The following SND1 variants were observed in gnomAD, a reference collection of about 807,000 sequenced individuals.
SND1 encodes staphylococcal nuclease and tudor domain containing 1.
A neutral mutation model predicts 121.7 loss-of-function variants in SND1; 38 were observed. The ratio of observed to expected loss-of-function variants is 0.31; its 90% CI spans 0.24 to 0.41. SND1 has a LOEUF of 0.41. Among genes scored for constraint, SND1 ranks in the 10% least tolerant of loss-of-function variants. The pLI is 1.00. For missense variants in SND1, 868 were observed against 1,184.6 expected (o/e 0.73, Z 3.92); for synonymous variants, 401 against 447.4 (o/e 0.90, Z 1.31).
Position 127,686,994 on chromosome 7 carries a change from C to G in SND1, c.228+232C>G, listed in dbSNP as rs1369444366. The G allele has an allele frequency of 6.8e-6, 3 of 439,638 alleles. No individual in the cohort carries two copies. In the East Asian group the frequency reaches 1.2e-4, roughly 17 times the overall value. 27.2% of individuals were successfully genotyped at this position (439,638 alleles called of 1,614,324 possible). A position where few individuals can be genotyped will look rare whatever the true frequency, so the allele number is the denominator to read the frequency against. The stretch of plus-strand genomic sequence containing the variant: ...TTTTTCTTGTACCTTTTCCCATAGA[C>G]TTAGATTTGTTGTGTTTTCACTACT... On this transcript the variant is annotated intron_variant, in intron 2 of 23. Transcript: ENST00000354725.
chr7:127,960,176 A>G (rs1201880336), intron 15 of SND1, among the ~76,000 whole-genome samples: 1 of 152,224 alleles, frequency 6.6e-6, no homozygotes, highest in East Asian at 1.9e-4. Flanking sequence ...CAATATTATC[A>G]TTGCTGTCAC....
chr7:127,791,464 T>TA (rs138989166), intron 10 of SND1, among the ~76,000 whole-genome samples: 2,601 of 152,318 alleles, frequency 0.017, 93 homozygotes, highest in African/African-American at 0.059. Flanking sequence ...TACTTTTTTT[T>TA]AATTGTGGTA....
At chr7:127,921,185 A>AT (rs1339002884) in intron 14 of SND1, among the ~76,000 whole-genome samples, 1 of 152,076 alleles carries the variant, frequency 6.6e-6, no homozygotes, top group East Asian at 1.9e-4. Flanking sequence ...TTTTTTCTTT[A>AT]TTTGAACAAA....
At chr7:128,027,605 A>G (rs1352024538) in intron 16 of SND1, 1 of 152,236 alleles carries the variant, frequency 6.6e-6, no homozygotes. Context: ...CAAGCATGAG[A>G]AAAGCTTCCA....
At chr7:127,891,813 T>A (rs1264948553) in intron 13 of SND1, among the ~76,000 whole-genome samples, 1 of 152,146 alleles carries the variant, frequency 6.6e-6, no homozygotes, top group Non-Finnish European at 1.5e-5. Context: ...CTTCAGCGAT[T>A]GTGTACTGAA....
At chr7:127,801,886 C>T (rs10228070) in intron 10 of SND1, among the ~76,000 whole-genome samples, 1 of 152,016 alleles carries the variant, frequency 6.6e-6, no homozygotes, top group African/African-American at 2.4e-5. Flanking sequence ...CTGTCGCCCC[C>T]GCTGGAGTGC....
intron 10 of SND1, among the ~76,000 whole-genome samples, chr7:127,741,243 T>G (rs1409464588): frequency 1.3e-5 from 2 of 152,204 alleles, no homozygotes; most frequent in African/African-American, 2.4e-5. Context: ...GATACTTAGG[T>G]GGGTAAATTT....
chr7:127,919,457 A>G (rs192779822), intron 14 of SND1, among the ~76,000 whole-genome samples: 2 of 152,320 alleles, frequency 1.3e-5, no homozygotes, highest in Admixed American at 1.3e-4. Flanking sequence ...GTTCTGTAAT[A>G]AGTTCTTACC....
chr7:127,781,896 G>A (rs1446536896), intron 10 of SND1, among the ~76,000 whole-genome samples: 1 of 152,204 alleles, frequency 6.6e-6, no homozygotes, highest in Admixed American at 6.5e-5. Flanking sequence ...GGAAGCCCAA[G>A]ATACTGAACT....
At chr7:127,817,062 A>G (rs769698953) in intron 11 of SND1, among the ~76,000 whole-genome samples, 2 of 152,208 alleles carry the variant, frequency 1.3e-5, no homozygotes, top group African/African-American at 2.4e-5. Context: ...TATTTTAGAA[A>G]ACACACATAG....
At chr7:127,873,461 C>T (rs942686418) in intron 12 of SND1, among the ~76,000 whole-genome samples, 3 of 152,118 alleles carry the variant, frequency 2.0e-5, no homozygotes, top group Non-Finnish European at 4.4e-5. Flanking sequence ...TTGGGTAATA[C>T]AGGGCAAGAC....
At chr7:127,778,263 C>T (rs544360941) in intron 10 of SND1, among the ~76,000 whole-genome samples, 43 of 151,400 alleles carry the variant, frequency 2.8e-4, no homozygotes, top group African/African-American at 1.0e-3. Flanking sequence ...GGTGTGATCT[C>T]GGCTCACTGC....
chr7:127,799,670 C>T (rs944246474), intron 10 of SND1, among the ~76,000 whole-genome samples: 3 of 152,198 alleles, frequency 2.0e-5, no homozygotes, highest in Admixed American at 1.3e-4. Context: ...TTTTCCATTT[C>T]GTCTTTGCTT....
chr7:127,911,060 G>A (rs1273194071), intron 14 of SND1, among the ~76,000 whole-genome samples: 1 of 152,232 alleles, frequency 6.6e-6, no homozygotes, highest in Non-Finnish European at 1.5e-5. Context: ...TGGTTGGTGG[G>A]AGTGTTGGGT....
intron 12 of SND1, among the ~76,000 whole-genome samples, chr7:127,882,843 T>A (rs534178344): frequency 6.6e-6 from 1 of 152,278 alleles, no homozygotes; most frequent in South Asian, 2.1e-4. Flanking sequence ...AATTCTGCTT[T>A]CTTGAGTGTA....
chr7:127,867,809 T>G (rs1335426110), intron 12 of SND1, among the ~76,000 whole-genome samples: 1 of 152,042 alleles, frequency 6.6e-6, no homozygotes, highest in African/African-American at 2.4e-5. Flanking sequence ...TTCCATAACC[T>G]TAGGAGTGGA....
chr7:127,934,250 T>A lies in SND1; in HGVS notation c.1669+4921T>A, dbSNP rs565335486. On this transcript the variant is annotated intron_variant, in intron 15 of 23. Transcript: ENST00000354725. ...GCAGAGTTGTAGAGGTATGAATATCTGCATGGATCTGGGCAACCACATAGC... is the reference window on the plus strand; with the variant it reads ...GCAGAGTTGTAGAGGTATGAATATCAGCATGGATCTGGGCAACCACATAGC... Among the ~76,000 whole-genome samples, 5 of 152,290 alleles carry A rather than the reference T, an allele frequency of 3.3e-5. No homozygotes were observed. In the South Asian group the frequency reaches 1.0e-3, roughly 32 times the overall value.
At chr7:127,692,412 G>T (rs1344473687) in intron 2 of SND1, 1 of 152,236 alleles carries the variant, frequency 6.6e-6, no homozygotes, top group Non-Finnish European at 1.5e-5. Flanking sequence ...TATTCTTCCT[G>T]TTAGACCATT....
At chr7:127,662,959 T>C (rs1196511276) in intron 1 of SND1, among the ~76,000 whole-genome samples, 1 of 149,358 alleles carries the variant, frequency 6.7e-6, no homozygotes, top group Non-Finnish European at 1.5e-5. Context: ...GGCACAATCA[T>C]GGCTTACTGC....
Sources: allele counts gnomAD v4.1 joint callset (sites outside exome capture counted in the v4.1 genomes callset), GRCh38; gene constraint gnomAD v4.1.1; transcripts MANE v1.5; gene names NCBI Gene and HGNC (gene_info 2026-07-23, HGNC 2026-07-21).